The following MSH4 variants were observed in gnomAD, a reference collection of about 807,000 sequenced individuals.
MSH4 encodes mutS protein homolog 4.
A neutral mutation model predicts 113.7 loss-of-function variants in MSH4; 106 were observed. The observed-to-expected ratio is 0.93, with a 90% CI of 0.80 to 1.10. The LOEUF (loss-of-function observed/expected upper bound fraction) is 1.10, where lower values mean the gene tolerates loss of function less well. Ranked by LOEUF, MSH4 falls within the 50% of genes least tolerant of loss-of-function variation. The probability of loss-of-function intolerance (pLI) is 0.00; values close to 1 mark genes in which losing one functional copy is unlikely to be tolerated. For missense variants in MSH4, 1,061 were observed against 1,093.7 expected, an observed-to-expected ratio of 0.97 and a Z score of 0.42; for synonymous variants, 368 against 380.2, an observed-to-expected ratio of 0.97 and a Z score of 0.37.
intron 7 of MSH4, among the ~76,000 whole-genome samples, chr1:75,844,138 C>G (rs1048662652): frequency 4.6e-5 from 7 of 152,006 alleles, no homozygotes; most frequent in African/African-American, 1.7e-4. Context: ...GGGATAACAG[C>G]ATGACACCAC....
At chr1:75,813,896 GA>G (rs1650239876) in intron 4 of MSH4, among the ~76,000 whole-genome samples, 1 of 151,986 alleles carries the variant, frequency 6.6e-6, no homozygotes, top group Admixed American at 6.6e-5. Context: ...GAAGTATAAG[GA>G]AAATGGACTT....
chr1:75,835,255 T>C (rs1181974301), intron 7 of MSH4, among the ~76,000 whole-genome samples: 2 of 152,228 alleles, frequency 1.3e-5, no homozygotes, highest in African/African-American at 2.4e-5. Flanking sequence ...TCTGGTATTA[T>C]ATTGACTGTG....
At chr1:75,885,763 G>GTATATATAATGTATTATATAGTATATAT (rs1553138331) in intron 15 of MSH4, among the ~76,000 whole-genome samples, 4 of 97,354 alleles carry the variant, frequency 4.1e-5, no homozygotes. Context: ...ATTATATATA[G>GTATATATAATGTATTATATAGTATATAT]TATATATAAT....
At position 75,854,289 on chromosome 1, in the gene MSH4, AC is replaced by A. The variant is rs1651268422; in HGVS notation, c.1230+6014del. On this transcript the variant is annotated intron_variant, in intron 8 of 19. Coordinates refer to ENST00000263187, the MANE Select transcript of MSH4 (RefSeq NM_002440.4). ...TCAGGAGGAATACCAATCTCCTACTACTGCTGCTCCCTCCCCCATGCAGATA... is the reference window on the plus strand; with the variant it reads ...TCAGGAGGAATACCAATCTCCTACTATGCTGCTCCCTCCCCCATGCAGATA... Among the ~76,000 whole-genome samples, 14 of 152,018 alleles carry A rather than the reference AC, an allele frequency of 9.2e-5. No individual in the cohort carries two copies. The South Asian group carries it at 2.9e-3, about 32-fold the overall frequency.
rs115070207 is a variant in MSH4 at position 75,890,728 on chromosome 1, A to G, written c.2259A>G (p.Lys753=). Residue 753 remains lysine (K), a synonymous_variant, in exon 17 of 20, where the codon AAA becomes AAG. Coordinates refer to ENST00000263187, the MANE Select transcript of MSH4 (RefSeq NM_002440.4). ...ATATTCTACATAATGCTAATGACAA[A>G]TCGCTCATATTAATTGATGAACTTG... ...IAYILHNAND[K]SLILIDELGR... 6.2e-7 allele frequency: 1 copy of G among 1,602,570 alleles called. No individual in the cohort carries two copies. Among genetic ancestry groups the G allele is most frequent in the Non-Finnish European group, 8.5e-7 (1 of 1,173,078 alleles).
At chr1:75,848,463 G>C (rs1400353313) in intron 8 of MSH4, among the ~76,000 whole-genome samples, 187 bp downstream of exon 8, 1 of 152,126 alleles carries the variant, frequency 6.6e-6, no homozygotes, top group Non-Finnish European at 1.5e-5. Context: ...ATGTTATAGT[G>C]AAATTTAAAA....
intron 9 of MSH4, among the ~76,000 whole-genome samples, chr1:75,873,020 G>A (rs1464084575): frequency 2.6e-5 from 4 of 152,248 alleles, no homozygotes; most frequent in Admixed American, 2.6e-4. Flanking sequence ...GGCTGTGCTA[G>A]TGCAGCAGAC....
intron 8 of MSH4, among the ~76,000 whole-genome samples, chr1:75,852,351 G>A (rs1354395476): frequency 6.6e-6 from 1 of 152,098 alleles, no homozygotes; most frequent in Non-Finnish European, 1.5e-5. Flanking sequence ...TTTGTGTGCA[G>A]GTTTTTCTAG....
chr1:75,840,615 A>G (rs941683090), intron 7 of MSH4, among the ~76,000 whole-genome samples: 2 of 150,934 alleles, frequency 1.3e-5, no homozygotes, highest in East Asian at 3.9e-4. Flanking sequence ...ACATGTATAC[A>G]TATGTAACTA....
rs553727593 is a variant in MSH4 at position 75,847,836 on chromosome 1, C to A, written c.1163-373C>A. Among the ~76,000 whole-genome samples the A allele has an allele frequency of 6.6e-5, 10 of 152,278 alleles. No homozygotes were observed. In the East Asian group the frequency reaches 1.9e-3, roughly 29 times the overall value. On this transcript the variant is annotated intron_variant, in intron 7 of 19. Transcript: ENST00000263187. ...TCATCACGGTAGGAATGGCACTAAG[C>A]TGCCCATGAGAGTGGAGCCTCTGTG...
At chr1:75,832,562 C>G (rs946742562) in intron 7 of MSH4, among the ~76,000 whole-genome samples, 2 of 152,130 alleles carry the variant, frequency 1.3e-5, no homozygotes, top group African/African-American at 4.8e-5. Flanking sequence ...CCGAATCCAG[C>G]AGCTCATCAA....
Position 75,883,803 on chromosome 1 carries a change from C to A in MSH4, c.2089C>A (p.Gln697Lys). The part of the protein sequence containing the change: ...STYLKQIALC[Q>K]IMAQIGSYVP... Reference sequence around the variant, plus strand: ...ATATTTAAAACAGATTGCTCTTTGTCAGATTATGGCCCAGATTGGTAAGTT... The same window carrying A: ...ATATTTAAAACAGATTGCTCTTTGTAAGATTATGGCCCAGATTGGTAAGTT... Residue 697 changes from glutamine (Q) to lysine (K), a missense_variant, in exon 15 of 20, where the codon CAG (glutamine) becomes AAG (lysine). Gln to Lys is a moderately conservative substitution (Grantham distance 53). Transcript: ENST00000263187. The A allele has an allele frequency of 6.2e-7, 1 of 1,612,240 alleles. No homozygotes were observed. The highest frequency in any genetic ancestry group is 1.1e-5 in the South Asian group (1 of 90,654).
intron 3 of MSH4, among the ~76,000 whole-genome samples, chr1:75,807,730 A>G (rs780519445): frequency 1.2e-4 from 19 of 152,186 alleles, no homozygotes; most frequent in Admixed American, 3.9e-4. Flanking sequence ...AGTATAGGTG[A>G]CAACTTGACT....
chr1:75,893,292 T>G (rs1359265836), intron 17 of MSH4, among the ~76,000 whole-genome samples: 1 of 152,160 alleles, frequency 6.6e-6, no homozygotes, highest in Non-Finnish European at 1.5e-5. Flanking sequence ...AGTCACAGGG[T>G]TGAGATTGCT....
intron 6 of MSH4, among the ~76,000 whole-genome samples, chr1:75,820,713 C>T (rs1313338683): frequency 6.6e-6 from 1 of 152,082 alleles, no homozygotes. Flanking sequence ...TCTCTCTTTT[C>T]TTCTTTATTA....
intron 19 of MSH4, among the ~76,000 whole-genome samples, chr1:75,904,061 C>T (rs757051481): frequency 7.2e-5 from 11 of 152,022 alleles, no homozygotes; most frequent in Non-Finnish European, 1.3e-4. Flanking sequence ...TTTGTTGAGA[C>T]GTTTTGTCAT....
intron 7 of MSH4, among the ~76,000 whole-genome samples, chr1:75,846,266 C>T (rs1651075376): frequency 6.6e-6 from 1 of 152,182 alleles, no homozygotes; most frequent in Non-Finnish European, 1.5e-5. Flanking sequence ...TTTTAGCAAT[C>T]ACTTGACCAC....
At chr1:75,886,326 G>A (rs1652099720) in intron 15 of MSH4, among the ~76,000 whole-genome samples, 1 of 61,160 alleles carries the variant, frequency 1.6e-5, no homozygotes, top group Admixed American at 2.4e-4. Context: ...AGCATGTATA[G>A]TATATATGAT....
At chr1:75,883,306 G>A (rs6692903) in intron 14 of MSH4, among the ~76,000 whole-genome samples, 3,896 of 150,980 alleles carry the variant, frequency 0.026, 59 homozygotes, top group Non-Finnish European at 0.029. Flanking sequence ...GAGCCATCAC[G>A]CCTGGTCTGC....
Sources: allele counts gnomAD v4.1 joint callset (sites outside exome capture counted in the v4.1 genomes callset), GRCh38; gene constraint gnomAD v4.1.1; transcripts MANE v1.5; gene names NCBI Gene and HGNC (gene_info 2026-07-23, HGNC 2026-07-21).